The following CERS6 variants were observed in gnomAD, a reference collection of about 807,000 sequenced individuals.
CERS6 encodes the protein LAG1 homolog, ceramide synthase 6.
In CERS6, 26 loss-of-function variants were observed where a neutral mutation model predicts 56.8. That is an observed-to-expected ratio of 0.46 (90% CI 0.34 to 0.63). The LOEUF (loss-of-function observed/expected upper bound fraction) is 0.63, where lower values mean the gene tolerates loss of function less well. CERS6 is among the 30% of genes least tolerant of loss of function. CERS6 has a pLI of 0.01. For missense variants in CERS6, 415 were observed against 467.5 expected (o/e 0.89, Z 1.04); for synonymous variants, 164 against 173.3 (o/e 0.95, Z 0.42).
chr2:168,525,146 T>C (rs1695048991), intron 1 of CERS6, among the ~76,000 whole-genome samples: 1 of 152,188 alleles, frequency 6.6e-6, no homozygotes, highest in African/African-American at 2.4e-5. Flanking sequence ...AGAGAATTCC[T>C]TCATTCCTTA....
At chr2:168,739,090 G>C (rs1279096503) in intron 8 of CERS6, among the ~76,000 whole-genome samples, 1 of 89,752 alleles carries the variant, frequency 1.1e-5, no homozygotes, top group East Asian at 3.3e-4. Context: ...TTGTATTTTA[G>C]TAGAGACGGG....
intron 3 of CERS6, among the ~76,000 whole-genome samples, chr2:168,585,049 G>T (rs1683508800): frequency 6.6e-6 from 1 of 152,246 alleles, no homozygotes; most frequent in African/African-American, 2.4e-5. Flanking sequence ...CTCCATATTT[G>T]CTGAGCTATA....
intron 1 of CERS6, among the ~76,000 whole-genome samples, chr2:168,457,546 T>C (rs962140998): frequency 6.6e-6 from 1 of 152,202 alleles, no homozygotes; most frequent in Non-Finnish European, 1.5e-5. Context: ...GCACACTTTT[T>C]TTTTCGTAAC....
chr2:168,626,200 A>G (rs1489841059), intron 3 of CERS6, among the ~76,000 whole-genome samples: 3 of 152,190 alleles, frequency 2.0e-5, no homozygotes, highest in Non-Finnish European at 4.4e-5. Context: ...GAACAGTTTC[A>G]TTAAATGACT....
At chr2:168,582,728 G>A (rs1479683336) in intron 3 of CERS6, among the ~76,000 whole-genome samples, 1 of 152,264 alleles carries the variant, frequency 6.6e-6, no homozygotes, top group South Asian at 2.1e-4. Context: ...TGTGTCCAGT[G>A]CAATTCCCAA....
At chr2:168,761,999 C>T (rs886077259) in intron 8 of CERS6, among the ~76,000 whole-genome samples, 17 of 152,082 alleles carry the variant, frequency 1.1e-4, no homozygotes, top group African/African-American at 3.4e-4. Flanking sequence ...CACACTGGGG[C>T]CTGTCAGGGG....
At chr2:168,768,348 G>A (rs1183164917) in intron 9 of CERS6, among the ~76,000 whole-genome samples, 1 of 151,512 alleles carries the variant, frequency 6.6e-6, no homozygotes, top group Non-Finnish European at 1.5e-5. Flanking sequence ...TCCTGCCTCA[G>A]CCTCCAGAGT....
At chr2:168,621,871 C>T (rs567510378) in intron 3 of CERS6, among the ~76,000 whole-genome samples, 2 of 152,146 alleles carry the variant, frequency 1.3e-5, no homozygotes, top group South Asian at 2.1e-4. Context: ...GACAGGAAAA[C>T]AGGAAAATTA....
At chr2:168,531,158 A>C (rs1481485224) in intron 1 of CERS6, among the ~76,000 whole-genome samples, 1 of 152,190 alleles carries the variant, frequency 6.6e-6, no homozygotes, top group Non-Finnish European at 1.5e-5. Context: ...CTGTGTTTTG[A>C]AATATTTGAG....
intron 3 of CERS6, among the ~76,000 whole-genome samples, chr2:168,594,669 C>T (rs1361295314): frequency 6.6e-6 from 1 of 152,176 alleles, no homozygotes; most frequent in African/African-American, 2.4e-5. Context: ...CTCCTTTCCA[C>T]CCCAGTGTAA....
intron 8 of CERS6, among the ~76,000 whole-genome samples, chr2:168,747,378 T>C (rs1684139501): frequency 6.6e-6 from 1 of 152,172 alleles, no homozygotes; most frequent in Non-Finnish European, 1.5e-5. Context: ...GATTTTAATG[T>C]ATGAATAATG....
intron 6 of CERS6, among the ~76,000 whole-genome samples, chr2:168,704,050 T>C (rs982847204): frequency 2.6e-5 from 4 of 152,182 alleles, no homozygotes; most frequent in African/African-American, 9.7e-5. Flanking sequence ...GTAATTTTTA[T>C]GGGATTTTAT....
At chr2:168,656,867 A>G (rs917810735) in intron 4 of CERS6, among the ~76,000 whole-genome samples, 17 of 152,110 alleles carry the variant, frequency 1.1e-4, no homozygotes, top group Non-Finnish European at 1.8e-4. Flanking sequence ...TGCGTTTACA[A>G]TCCCTGAGCT....
intron 3 of CERS6, among the ~76,000 whole-genome samples, chr2:168,625,510 C>A (rs1362585019): frequency 6.6e-6 from 1 of 152,164 alleles, no homozygotes; most frequent in Admixed American, 6.6e-5. Context: ...AGGAACTATT[C>A]TTTGCAAGCC....
chr2:168,626,846 C>T (rs1409303282), intron 3 of CERS6, among the ~76,000 whole-genome samples: 1 of 152,120 alleles, frequency 6.6e-6, no homozygotes, highest in African/African-American at 2.4e-5. Flanking sequence ...CTCCACAGAT[C>T]GTTTAGGATT....
chr2:168,699,380 T>C (rs1251998822), intron 6 of CERS6, among the ~76,000 whole-genome samples: 3 of 152,214 alleles, frequency 2.0e-5, no homozygotes, highest in Non-Finnish European at 4.4e-5. Flanking sequence ...AGAAGAGTTA[T>C]CACAGTGTTT....
At chr2:168,612,542 A>G (rs1345687634) in intron 3 of CERS6, among the ~76,000 whole-genome samples, 1 of 152,232 alleles carries the variant, frequency 6.6e-6, no homozygotes. Flanking sequence ...AGATTTATCT[A>G]GTCTCCCTAA....
At chr2:168,715,571 A>G (rs1156300021) in intron 7 of CERS6, among the ~76,000 whole-genome samples, 1 of 152,126 alleles carries the variant, frequency 6.6e-6, no homozygotes, top group East Asian at 1.9e-4. Flanking sequence ...TTTACAGTGG[A>G]AAGGGCATAT....
At chr2:168,488,362 G>A (rs370334891) in intron 1 of CERS6, among the ~76,000 whole-genome samples, 2 of 152,034 alleles carry the variant, frequency 1.3e-5, no homozygotes, top group Admixed American at 6.6e-5. Flanking sequence ...AATTAATATA[G>A]CCAATCTATA....
Sources: gnomAD v4.1 joint callset for allele counts (sites outside exome capture counted in the v4.1 genomes callset) on GRCh38, gnomAD v4.1.1 for gene constraint, MANE v1.5 for transcripts, NCBI Gene and HGNC (gene_info 2026-07-23, HGNC 2026-07-21) for gene names.